BNC2: variants seen among roughly 807,000 people sequenced by gnomAD.
The protein encoded by BNC2 is zinc finger protein basonuclin-2.
Under a neutral mutation model 76.3 loss-of-function variants are expected in BNC2, and 20 were observed. The observed-to-expected ratio is 0.26, with a 90% CI of 0.18 to 0.38. BNC2 has a LOEUF of 0.38. BNC2 is among the 10% of genes least tolerant of loss of function. BNC2 has a pLI of 1.00. For synonymous variants in BNC2, 582 were observed against 514.8 expected, an observed-to-expected ratio of 1.13 and a Z score of -1.77; for missense variants, 1,382 against 1,399.8, an observed-to-expected ratio of 0.99 and a Z score of 0.20.
chr9:16,550,415 T>G (rs1818622940), intron 5 of BNC2, among the ~76,000 whole-genome samples: 1 of 152,228 alleles, frequency 6.6e-6, no homozygotes, highest in Admixed American at 6.5e-5. Context: ...ACATTTACAT[T>G]TTTTATACCT....
intron 5 of BNC2, among the ~76,000 whole-genome samples, chr9:16,465,431 C>T (rs1821683453): frequency 1.7e-5 from 1 of 58,748 alleles, no homozygotes; most frequent in African/African-American, 8.5e-5. Context: ...GAGACTCCAA[C>T]TCCAAAAAAA....
At chr9:16,774,050 C>G (rs1037651633) in intron 1 of BNC2, among the ~76,000 whole-genome samples, 2 of 152,132 alleles carry the variant, frequency 1.3e-5, no homozygotes, top group Non-Finnish European at 2.9e-5. Flanking sequence ...GTCACAATCT[C>G]AGATCACTGC....
chr9:16,550,271 T>C (rs1305059129), intron 5 of BNC2, among the ~76,000 whole-genome samples: 4 of 152,142 alleles, frequency 2.6e-5, no homozygotes, highest in African/African-American at 4.8e-5. Context: ...TTTTTTAAGC[T>C]CATCAGCTAT....
intron 5 of BNC2, among the ~76,000 whole-genome samples, chr9:16,474,178 A>C (rs1282485359): frequency 6.6e-6 from 1 of 152,238 alleles, no homozygotes; most frequent in Non-Finnish European, 1.5e-5. Flanking sequence ...AAATTAAGTC[A>C]CTTATCCTTG....
intron 3 of BNC2, among the ~76,000 whole-genome samples, chr9:16,692,440 C>T (rs567648664): frequency 1.3e-5 from 2 of 152,282 alleles, no homozygotes; most frequent in South Asian, 4.1e-4. Context: ...TTGTTTCCTG[C>T]ACCTGTAAAA....
intron 1 of BNC2, among the ~76,000 whole-genome samples, chr9:16,835,206 G>T (rs545346150): frequency 6.6e-6 from 1 of 152,150 alleles, no homozygotes; most frequent in Non-Finnish European, 1.5e-5. Context: ...CGTCTTTTCT[G>T]CATGTCAAAA....
intron 1 of BNC2, among the ~76,000 whole-genome samples, chr9:16,815,440 A>G (rs985388396): frequency 4.6e-5 from 7 of 152,246 alleles, no homozygotes; most frequent in African/African-American, 1.7e-4. Flanking sequence ...ACTACTATTC[A>G]AAGAGTTGAG....
chr9:16,609,600 G>A (rs151241534), intron 3 of BNC2, among the ~76,000 whole-genome samples: 2 of 152,140 alleles, frequency 1.3e-5, no homozygotes, highest in South Asian at 2.1e-4. Context: ...AGGTAATAAA[G>A]GTATGTAGAA....
At chr9:16,788,552 CAA>C (rs397960619) in intron 1 of BNC2, among the ~76,000 whole-genome samples, 16 of 80,430 alleles carry the variant, frequency 2.0e-4, no homozygotes, top group Non-Finnish European at 1.1e-4. Flanking sequence ...CACTCCTTCT[CAA>C]AAAAAAAAAA....
intron 1 of BNC2, among the ~76,000 whole-genome samples, chr9:16,841,991 T>G (rs1414626169): frequency 6.6e-6 from 1 of 152,162 alleles, no homozygotes; most frequent in Non-Finnish European, 1.5e-5. Flanking sequence ...CTATTTTTAG[T>G]AGAGACAGGG....
At chr9:16,756,244 T>TTC (rs1428140740) in intron 1 of BNC2, among the ~76,000 whole-genome samples, 1 of 152,214 alleles carries the variant, frequency 6.6e-6, no homozygotes, top group Non-Finnish European at 1.5e-5. Context: ...ATAAATTATA[T>TTC]TCTCTCTCTC....
At chr9:16,807,742 T>C (rs1411886092) in intron 1 of BNC2, among the ~76,000 whole-genome samples, 1 of 152,194 alleles carries the variant, frequency 6.6e-6, no homozygotes, top group Non-Finnish European at 1.5e-5. Flanking sequence ...CATAAAGCTA[T>C]TGTTATCTAA....
intron 3 of BNC2, chr9:16,699,070 T>G: frequency 2.5e-6 from 1 of 406,928 alleles, no homozygotes; most frequent in South Asian, 1.8e-5. Flanking sequence ...GATGGTATTT[T>G]TAAGTTACTT....
At chr9:16,574,046 T>A (rs1296702640) in intron 4 of BNC2, among the ~76,000 whole-genome samples, 1 of 152,108 alleles carries the variant, frequency 6.6e-6, no homozygotes, top group African/African-American at 2.4e-5. Flanking sequence ...GTTGAAAGGA[T>A]CAACATGATA....
chr9:16,486,744 G>A (rs1488467800), intron 5 of BNC2, among the ~76,000 whole-genome samples: 1 of 151,612 alleles, frequency 6.6e-6, no homozygotes, highest in South Asian at 2.1e-4. Context: ...TTTTTTGGTA[G>A]AGACAGGGTC....
chr9:16,682,666 G>A (rs542743297), intron 3 of BNC2, among the ~76,000 whole-genome samples: 101 of 152,312 alleles, frequency 6.6e-4, no homozygotes, highest in African/African-American at 1.9e-3. Context: ...AAAGGAGCCT[G>A]TGGTTTATAA....
At chr9:16,860,717 T>C (rs1012813689) in intron 1 of BNC2, among the ~76,000 whole-genome samples, 1 of 152,148 alleles carries the variant, frequency 6.6e-6, no homozygotes, top group Non-Finnish European at 1.5e-5. Flanking sequence ...ATCAAAAATT[T>C]CTGTGCTTGA....
intron 5 of BNC2, among the ~76,000 whole-genome samples, chr9:16,537,049 T>C (rs190950034): frequency 1.9e-4 from 29 of 152,270 alleles, no homozygotes; most frequent in Non-Finnish European, 2.5e-4. Context: ...GAAAATTATA[T>C]GGCATATTGT....
intron 5 of BNC2, among the ~76,000 whole-genome samples, chr9:16,511,165 A>C (rs566643895): frequency 3.7e-4 from 53 of 142,886 alleles, no homozygotes; most frequent in African/African-American, 1.3e-3. Context: ...GCTGGAGTGC[A>C]GTGGTGCGAT....
Sources: allele counts gnomAD v4.1 joint callset (sites outside exome capture counted in the v4.1 genomes callset), GRCh38; gene constraint gnomAD v4.1.1; transcripts MANE v1.5; gene names NCBI Gene and HGNC (gene_info 2026-07-23, HGNC 2026-07-21).